Variants in TPST1 observed in about 807,000 individuals in gnomAD.
TPST1 encodes the protein protein-tyrosine sulfotransferase 1.
In TPST1, 20 loss-of-function variants were observed where a neutral mutation model predicts 34.8. That is an observed-to-expected ratio of 0.57 (90% confidence interval 0.40 to 0.84). The LOEUF (loss-of-function observed/expected upper bound fraction) is 0.84, where lower values mean the gene tolerates loss of function less well. TPST1 is among the 40% of genes least tolerant of loss of function. The pLI is 0.00. For missense variants in TPST1, 353 were observed against 455.5 expected (o/e 0.78, Z 2.05); for synonymous variants, 152 against 159.4 (o/e 0.95, Z 0.35).
chr7:66,342,969 C>T (rs1792269895), intron 3 of TPST1, among the ~76,000 whole-genome samples: 1 of 152,154 alleles, frequency 6.6e-6, no homozygotes, highest in South Asian at 2.1e-4. Flanking sequence ...CTGCAGCCCT[C>T]TCTAGCCTTC....
intron 5 of TPST1, chr7:66,359,552 C>T (rs2116421041): frequency 3.8e-6 from 1 of 263,108 alleles, no homozygotes; most frequent in Non-Finnish European, 7.6e-6. Context: ...GACCCCTGGA[C>T]ATCTGGTGCC....
chr7:66,325,044 A>G (rs1420334891), intron 3 of TPST1, among the ~76,000 whole-genome samples: 1 of 152,182 alleles, frequency 6.6e-6, no homozygotes, highest in Non-Finnish European at 1.5e-5. Context: ...GGGGTAATTT[A>G]TAAAGGAAAG....
Position 66,251,078 on chromosome 7 carries a change from C to G in TPST1, c.845+9808C>G, listed in dbSNP as rs543629232. ...TCAGACCACAGTTGACTGCAGAGAA[C>G]TACCTGAAACTGTGGATAAAGGCTT... is the stretch of plus-strand genomic sequence containing the variant. On this transcript the variant is annotated intron_variant, in intron 2 of 5. Coordinates refer to ENST00000304842, the MANE Select transcript of TPST1 (RefSeq NM_003596.4). Among the ~76,000 whole-genome samples the G allele has an allele frequency of 2.0e-5, 3 of 152,268 alleles. No homozygotes were observed. In the South Asian group the frequency reaches 6.2e-4, roughly 32 times the overall value.
chr7:66,329,466 T>C (rs912868068), intron 3 of TPST1, among the ~76,000 whole-genome samples: 5 of 152,180 alleles, frequency 3.3e-5, no homozygotes, highest in East Asian at 1.9e-4. Flanking sequence ...GTTGCAGATA[T>C]TATGCTTCCT....
intron 1 of TPST1, among the ~76,000 whole-genome samples, chr7:66,214,005 A>G (rs1219499738): frequency 1.3e-5 from 2 of 152,196 alleles, no homozygotes; most frequent in Non-Finnish European, 2.9e-5. Context: ...CTTTTGTTTC[A>G]TAACAGCTTT....
At chr7:66,236,980 C>T (rs1789924432) in intron 1 of TPST1, among the ~76,000 whole-genome samples, 1 of 152,170 alleles carries the variant, frequency 6.6e-6, no homozygotes. Flanking sequence ...GGAGCACATA[C>T]AAAGTTTAGG....
chr7:66,273,805 A>AT (rs1022621850), intron 2 of TPST1, among the ~76,000 whole-genome samples: 1 of 92,384 alleles, frequency 1.1e-5, no homozygotes, highest in Non-Finnish European at 2.3e-5. Flanking sequence ...AAAAAAAAAA[A>AT]TTTTTTTTTT....
intron 4 of TPST1, among the ~76,000 whole-genome samples, chr7:66,353,171 C>T (rs1195336617): frequency 2.0e-5 from 3 of 152,076 alleles, no homozygotes; most frequent in African/African-American, 7.2e-5. Flanking sequence ...AAAAATTAGC[C>T]GAGTATTGCA....
intron 1 of TPST1, among the ~76,000 whole-genome samples, chr7:66,239,600 A>T (rs996139743): frequency 1.3e-5 from 2 of 152,184 alleles, no homozygotes; most frequent in African/African-American, 4.8e-5. Flanking sequence ...TCATTGTTAG[A>T]ATGTGGAGAT....
intron 3 of TPST1, among the ~76,000 whole-genome samples, chr7:66,308,723 G>C (rs921252209): frequency 2.0e-5 from 3 of 152,078 alleles, no homozygotes; most frequent in Non-Finnish European, 2.9e-5. Flanking sequence ...AGCCTGCAGC[G>C]AACAAGCACT....
chr7:66,221,387 G>C (rs923827697), intron 1 of TPST1, among the ~76,000 whole-genome samples: 2 of 152,176 alleles, frequency 1.3e-5, no homozygotes, highest in Non-Finnish European at 2.9e-5. Flanking sequence ...CTACATAAAG[G>C]TTCCCTGGTT....
chr7:66,340,267 C>T (rs1410723632), intron 3 of TPST1, among the ~76,000 whole-genome samples: 2 of 151,954 alleles, frequency 1.3e-5, no homozygotes, highest in Non-Finnish European at 2.9e-5. Flanking sequence ...GACAAACCCA[C>T]AGCTAACGTC....
chr7:66,331,195 A>G (rs1317175689), intron 3 of TPST1, among the ~76,000 whole-genome samples: 1 of 152,216 alleles, frequency 6.6e-6, no homozygotes, highest in Non-Finnish European at 1.5e-5. Context: ...AGAGCAAGCA[A>G]CCAAGCAAGA....
intron 3 of TPST1, among the ~76,000 whole-genome samples, chr7:66,328,906 A>ATATATATATTTTTTT (rs1299138303): frequency 7.6e-5 from 1 of 13,158 alleles, no homozygotes; most frequent in Non-Finnish European, 1.2e-4. Flanking sequence ...ATATATATAT[A>ATATATATATTTTTTT]TTTTTTTTTT....
At chr7:66,344,696 GC>G (rs1330350268) in intron 3 of TPST1, among the ~76,000 whole-genome samples, 1 of 145,340 alleles carries the variant, frequency 6.9e-6, no homozygotes, top group African/African-American at 2.5e-5. Flanking sequence ...CAGGTGTGAG[GC>G]ACCTCACCCA....
chr7:66,328,170 G>A (rs1791911275), intron 3 of TPST1, among the ~76,000 whole-genome samples: 1 of 151,532 alleles, frequency 6.6e-6, no homozygotes, highest in African/African-American at 2.4e-5. Flanking sequence ...GGGATTATAG[G>A]TGTGCACCAC....
At chr7:66,322,334 T>C (rs1046204081) in intron 3 of TPST1, among the ~76,000 whole-genome samples, 2 of 152,208 alleles carry the variant, frequency 1.3e-5, no homozygotes, top group Non-Finnish European at 2.9e-5. Flanking sequence ...GTAAAACAGA[T>C]TCAGAAACTT....
intron 3 of TPST1, among the ~76,000 whole-genome samples, chr7:66,311,535 CAG>C (rs1791531921): frequency 6.6e-6 from 1 of 152,154 alleles, no homozygotes; most frequent in Non-Finnish European, 1.5e-5. Flanking sequence ...TACCATCTCT[CAG>C]AATACCTCAG....
intron 2 of TPST1, among the ~76,000 whole-genome samples, chr7:66,249,030 G>A (rs1290395691): frequency 6.6e-6 from 1 of 151,796 alleles, no homozygotes; most frequent in East Asian, 1.9e-4. Flanking sequence ...CATGGTAAAG[G>A]AGGTGAAGAA....
Sources: gnomAD v4.1 joint callset for allele counts (sites outside exome capture counted in the v4.1 genomes callset) on GRCh38, gnomAD v4.1.1 for gene constraint, MANE v1.5 for transcripts, NCBI Gene and HGNC (gene_info 2026-07-23, HGNC 2026-07-21) for gene names.